USH2A: variants seen among roughly 807,000 people sequenced by gnomAD.
The protein encoded by USH2A is usherin.
In USH2A, 443 loss-of-function variants were observed where a neutral mutation model predicts 538.9. The ratio of observed to expected loss-of-function variants is 0.82; its 90% CI spans 0.76 to 0.89. The LOEUF (loss-of-function observed/expected upper bound fraction) is 0.89, where lower values mean the gene tolerates loss of function less well. Among genes scored for constraint, USH2A ranks in the 40% least tolerant of loss-of-function variants. USH2A has a pLI of 0.00. For synonymous variants in USH2A, 2,413 were observed against 2,273.5 expected (o/e 1.06, Z -1.75); for missense variants, 6,633 against 6,324.8 (o/e 1.05, Z -1.65).
chr1:216,417,529 T>G lies in USH2A; in HGVS notation c.651+985A>C, dbSNP rs72733372. Among the ~76,000 whole-genome samples the G allele has an allele frequency of 7.3e-3, 1,113 of 152,210 alleles. 10 individuals carry two copies. Among genetic ancestry groups the G allele is most frequent in the Non-Finnish European group, 0.012 (849 of 68,000 alleles). Reference sequence around the variant, plus strand: ...ATTGGAACATGTAGACGTTTTCTCATCAGTACTTTAACACCATCCACCTAG... The same window carrying G: ...ATTGGAACATGTAGACGTTTTCTCAGCAGTACTTTAACACCATCCACCTAG... On this transcript the variant is annotated intron_variant, in intron 3 of 71. Transcript: ENST00000307340.
At chr1:216,372,737 G>C (rs939662830) in intron 3 of USH2A, among the ~76,000 whole-genome samples, 4 of 152,144 alleles carry the variant, frequency 2.6e-5, no homozygotes, top group Admixed American at 1.3e-4. Flanking sequence ...CTAAGGAATA[G>C]GGAGAGTTCC....
intron 9 of USH2A, among the ~76,000 whole-genome samples, chr1:216,311,299 A>G (rs1000599861): frequency 6.6e-6 from 1 of 152,184 alleles, no homozygotes; most frequent in Non-Finnish European, 1.5e-5. Flanking sequence ...CCGGTAACCC[A>G]GAATGGCTGG....
In USH2A at chr1:215,758,009, C is replaced by A. The variant is rs560433510; in HGVS notation, c.11389+586G>T. ...TGGATATATAGAAGAGTAAGCCGGG[C>A]GTGGTGGCTCATGCCTGTAATCCCA... On this transcript the variant is annotated intron_variant, in intron 58 of 71. Transcript: ENST00000307340. Among the ~76,000 whole-genome samples the A allele has an allele frequency of 3.3e-4, 50 of 152,220 alleles. 1 individual carries two copies. Among genetic ancestry groups the A allele is most frequent in the South Asian group, 8.3e-4 (4 of 4,816 alleles).
rs2035360608 is a variant in USH2A at position 216,217,254 on chromosome 1, C to T, written c.3157+133G>A. On this transcript the variant is annotated intron_variant, in intron 15 of 71. Transcript: ENST00000307340. ...CATATTTCATTCAGTGTATTTTTTT[C>T]CATCTCTTACCTACGTTCTTCACAT... The T allele has an allele frequency of 1.4e-5, 15 of 1,088,040 alleles. No homozygotes were observed. In the Admixed American group the frequency reaches 1.4e-4, roughly 10 times the overall value. 67.4% of individuals were successfully genotyped at this position (1,088,040 alleles called of 1,614,324 possible). A position where few individuals can be genotyped will look rare whatever the true frequency, so the allele number is the denominator to read the frequency against.
intron 57 of USH2A, among the ~76,000 whole-genome samples, chr1:215,759,026 T>G (rs1235456118): frequency 2.0e-5 from 3 of 152,216 alleles, no homozygotes; most frequent in African/African-American, 7.2e-5. Context: ...AGTGTGCTGG[T>G]GGATTGTGGA....
chr1:216,113,891 G>T (rs959435700), intron 21 of USH2A, among the ~76,000 whole-genome samples: 5 of 151,416 alleles, frequency 3.3e-5, no homozygotes, highest in African/African-American at 4.8e-5. Context: ...AAAAAATAAA[G>T]TATTAAATAT....
chr1:216,378,454 T>C (rs1057107474), intron 3 of USH2A, among the ~76,000 whole-genome samples: 1 of 152,106 alleles, frequency 6.6e-6, no homozygotes, highest in Non-Finnish European at 1.5e-5. Flanking sequence ...GTTTTCAACT[T>C]ATGCTGAGAT....
intron 21 of USH2A, among the ~76,000 whole-genome samples, chr1:216,157,133 A>G (rs1452384461): frequency 6.6e-6 from 1 of 152,152 alleles, no homozygotes; most frequent in Non-Finnish European, 1.5e-5. Context: ...CGGCCTCCCA[A>G]AGTGCTGGAT....
intron 3 of USH2A, among the ~76,000 whole-genome samples, chr1:216,374,223 T>C (rs1007728269): frequency 6.6e-6 from 1 of 151,488 alleles, no homozygotes; most frequent in Admixed American, 6.6e-5. Context: ...CTGCACATTG[T>C]GCACATGTAC....
Position 216,198,317 on chromosome 1 carries a change from G to T in USH2A, c.4079C>A (p.Ser1360Ter). ...SAWVSERTGE[S>*]APVFMIPPSV... ...GAATTTAAAACATTGATCTTTACCTGATTCTCCCGTTCTTTCTGAGACCCA... is the reference window on the plus strand; with the variant it reads ...GAATTTAAAACATTGATCTTTACCTTATTCTCCCGTTCTTTCTGAGACCCA... The change falls in exon 18 of 72, where the codon TCA becomes TAA. Residue 1360 changes from serine (S) to a stop codon, truncating the protein, a stop_gained and splice_region_variant. Transcript: ENST00000307340. LOFTEE classifies it high-confidence loss of function. The T allele has an allele frequency of 6.2e-7, 1 of 1,613,906 alleles. No homozygotes were observed. The highest frequency in any genetic ancestry group is 8.5e-7 in the Non-Finnish European group (1 of 1,179,928).
At chr1:216,369,983 CTTTT>C (rs2038675161) in intron 3 of USH2A, among the ~76,000 whole-genome samples, 1 of 149,520 alleles carries the variant, frequency 6.7e-6, no homozygotes, top group Non-Finnish European at 1.5e-5. Flanking sequence ...CATATTCATT[CTTTT>C]TAACTTTACA....
chr1:215,883,373 G>A lies in USH2A; in HGVS notation c.8224-4275C>T, dbSNP rs549548493. On this transcript the variant is annotated intron_variant, in intron 41 of 71. Transcript: ENST00000307340. ...GGATGTTAACTTTTTTTGGTGGGTG[G>A]GGGGGAAGTTTATGCCTTAGAAAAT... Among the ~76,000 whole-genome samples the A allele has an allele frequency of 2.6e-5, 4 of 151,732 alleles. 1 individual carries two copies. Among genetic ancestry groups the A allele is most frequent in the African/African-American group, 9.7e-5 (4 of 41,426 alleles).
At chr1:215,951,824 C>G (rs1666924098) in intron 37 of USH2A, among the ~76,000 whole-genome samples, 2 of 151,976 alleles carry the variant, frequency 1.3e-5, no homozygotes, top group South Asian at 4.2e-4. Flanking sequence ...TTCTTTGTCT[C>G]TTTTGATCTT....
intron 47 of USH2A, among the ~76,000 whole-genome samples, chr1:215,819,772 T>C (rs2102798958): frequency 6.6e-6 from 1 of 151,898 alleles, no homozygotes; most frequent in East Asian, 1.9e-4. Context: ...TGAGACCGCC[T>C]ATATTTTCGG....
chr1:215,642,349 G>A (rs992512783), intron 67 of USH2A, among the ~76,000 whole-genome samples: 5 of 152,148 alleles, frequency 3.3e-5, no homozygotes, highest in African/African-American at 4.8e-5. Context: ...GTCAGTGGCT[G>A]GTAGGAGACC....
chr1:215,841,390 G>A (rs955567862), intron 46 of USH2A, among the ~76,000 whole-genome samples: 4 of 151,980 alleles, frequency 2.6e-5, no homozygotes, highest in Non-Finnish European at 5.9e-5. Flanking sequence ...AAATAAGACT[G>A]CACATTTACC....
At position 216,284,215 on chromosome 1, in the gene USH2A, C is replaced by T. The variant is rs193023667; in HGVS notation, c.1971+5065G>A. ...TAGTTTTACTGGAGCAATATGTGTT[C>T]GCTGTGTCCCCACCCAAATCTCATC... On this transcript the variant is annotated intron_variant, in intron 11 of 71. Transcript: ENST00000307340. Among the ~76,000 whole-genome samples the T allele has an allele frequency of 5.1e-3, 781 of 152,042 alleles. 7 individuals carry two copies. The highest frequency in any genetic ancestry group is 0.018 in the African/African-American group (739 of 41,470).
At chr1:216,072,582 C>T (rs1170396720) in intron 29 of USH2A, 4 of 407,422 alleles carry the variant, frequency 9.8e-6, no homozygotes, top group African/African-American at 4.1e-5. Flanking sequence ...TAAAGGTTAC[C>T]TATCCTTAGA....
intron 15 of USH2A, among the ~76,000 whole-genome samples, chr1:216,214,360 G>T (rs1366946220): frequency 1.3e-5 from 2 of 151,950 alleles, no homozygotes; most frequent in African/African-American, 4.8e-5. Context: ...GCAATTAAAA[G>T]AATCTACTGA....
Sources: allele counts gnomAD v4.1 joint callset (sites outside exome capture counted in the v4.1 genomes callset), GRCh38; gene constraint gnomAD v4.1.1; transcripts MANE v1.5; gene names NCBI Gene and HGNC (gene_info 2026-07-23, HGNC 2026-07-21).